Variants in GLI3 observed in about 807,000 individuals in gnomAD.
The protein encoded by GLI3 is transcription activator GLI3.
Under a neutral mutation model 100.8 loss-of-function variants are expected in GLI3, and 20 were observed. The observed-to-expected ratio is 0.20, with a 90% CI of 0.14 to 0.29. The LOEUF is 0.29. Among genes scored for constraint, GLI3 ranks in the 10% least tolerant of loss-of-function variants. The probability of loss-of-function intolerance (pLI) is 1.00; values close to 1 mark genes in which losing one functional copy is unlikely to be tolerated. For synonymous variants in GLI3, 938 were observed against 860.5 expected, an observed-to-expected ratio of 1.09 and a Z score of -1.58; for missense variants, 2,040 against 2,128.5, an observed-to-expected ratio of 0.96 and a Z score of 0.82.
chr7:42,081,237 A>G (rs1323415665), intron 3 of GLI3, among the ~76,000 whole-genome samples: 3 of 152,332 alleles, frequency 2.0e-5, no homozygotes, highest in African/African-American at 7.2e-5. Context: ...TGAGGGAATT[A>G]AAATTCTACC....
At chr7:42,056,237 G>A (rs2282920) in intron 4 of GLI3, among the ~76,000 whole-genome samples, 90,209 of 152,068 alleles carry the variant, frequency 0.59, 27,784 homozygotes, top group African/African-American at 0.77. Flanking sequence ...CTAAGAATCC[G>A]CTATGATTTC....
intron 3 of GLI3, among the ~76,000 whole-genome samples, chr7:42,079,310 C>A (rs1284739102): frequency 1.3e-5 from 2 of 152,150 alleles, no homozygotes; most frequent in African/African-American, 2.4e-5. Flanking sequence ...AAATTATGCA[C>A]CCTTCTTAAA....
chr7:42,075,697 T>C (rs1481901352), intron 4 of GLI3, among the ~76,000 whole-genome samples: 1 of 152,192 alleles, frequency 6.6e-6, no homozygotes, highest in Non-Finnish European at 1.5e-5. Flanking sequence ...ATTACTTACC[T>C]CCAGGCAAAT....
intron 1 of GLI3, among the ~76,000 whole-genome samples, chr7:42,259,405 G>A (rs1789117268): frequency 6.6e-6 from 1 of 152,160 alleles, no homozygotes; most frequent in Admixed American, 6.5e-5. Context: ...AAGTGCTTAA[G>A]AATGTAGCTG....
At chr7:41,998,419 C>G (rs1201167725) in intron 10 of GLI3, among the ~76,000 whole-genome samples, 1 of 152,208 alleles carries the variant, frequency 6.6e-6, no homozygotes, top group African/African-American at 2.4e-5. Context: ...TGCTTCCCAC[C>G]ATGGCAGGAC....
intron 7 of GLI3, among the ~76,000 whole-genome samples, chr7:42,035,864 T>C (rs1264545103): frequency 2.0e-5 from 3 of 152,216 alleles, no homozygotes; most frequent in Non-Finnish European, 1.5e-5. Flanking sequence ...ATAAATTATC[T>C]AGTCTTAGAT....
chr7:41,992,832 G>T (rs1788025134), intron 10 of GLI3, among the ~76,000 whole-genome samples: 1 of 152,152 alleles, frequency 6.6e-6, no homozygotes, highest in South Asian at 2.1e-4. Flanking sequence ...AGTAAGTTTG[G>T]GGGGATCAGA....
chr7:42,172,665 G>A (rs1380642577), intron 2 of GLI3: 1 of 701,668 alleles, frequency 1.4e-6, no homozygotes, highest in Admixed American at 2.0e-5. Flanking sequence ...CCAGCCTCTG[G>A]CCTGGGCCTC....
rs1168938491 is a variant in GLI3 at position 42,026,565 on chromosome 7, T to A, written c.1029-153A>T. ...GATTATTGCCAAGCATCTTGAAAAC[T>A]TCTAAGAGAAAGATGAACACTGAGA... On this transcript the variant is annotated intron_variant, in intron 7 of 14. Transcript: ENST00000395925. 3.3e-5 allele frequency among the ~76,000 whole-genome samples: 5 copies of A among 152,202 alleles called. No homozygotes were observed. The East Asian group carries it at 9.6e-4, about 29-fold the overall frequency.
intron 2 of GLI3, among the ~76,000 whole-genome samples, chr7:42,218,955 C>T (rs933895616): frequency 6.6e-6 from 1 of 151,838 alleles, no homozygotes; most frequent in Admixed American, 6.6e-5. Flanking sequence ...TCAGTATTTG[C>T]AAATTGTTGA....
intron 6 of GLI3, among the ~76,000 whole-genome samples, chr7:42,040,497 G>A (rs1319120097): frequency 1.3e-5 from 2 of 152,174 alleles, no homozygotes; most frequent in South Asian, 2.1e-4. Context: ...ACAAAAGGGA[G>A]AGATTTTTAT....
intron 2 of GLI3, among the ~76,000 whole-genome samples, chr7:42,188,502 A>G (rs1334585122): frequency 6.6e-6 from 1 of 152,220 alleles, no homozygotes; most frequent in Non-Finnish European, 1.5e-5. Flanking sequence ...TACAAGGATA[A>G]CCACCACCTG....
At chr7:42,243,595 T>C (rs1788944782) in intron 1 of GLI3, among the ~76,000 whole-genome samples, 3 of 152,200 alleles carry the variant, frequency 2.0e-5, no homozygotes, top group South Asian at 4.1e-4. Flanking sequence ...CACAGAGTCA[T>C]TGTGATTTAA....
At chr7:41,992,289 G>A (rs1252051525) in intron 10 of GLI3, among the ~76,000 whole-genome samples, 1 of 152,212 alleles carries the variant, frequency 6.6e-6, no homozygotes, top group East Asian at 1.9e-4. Context: ...AGGAGTAACA[G>A]GTGATACCGA....
At chr7:42,093,985 G>A (rs534921602) in intron 3 of GLI3, among the ~76,000 whole-genome samples, 2 of 151,956 alleles carry the variant, frequency 1.3e-5, no homozygotes, top group Non-Finnish European at 2.9e-5. Flanking sequence ...CTTTCATTCT[G>A]CATTATCCTA....
At position 42,045,629 on chromosome 7, in the gene GLI3, A is replaced by T; in HGVS notation, c.680-99T>A. On this transcript the variant is annotated intron_variant, in intron 5 of 14. Transcript: ENST00000395925. ...AGTCCATTACACAACCCACATCAGC[A>T]ATTCCTTTTATGGCTTATTAGAGTA... 2.9e-6 allele frequency: 3 copies of T among 1,034,278 alleles called. No individual in the cohort carries two copies. In the East Asian group the frequency reaches 7.5e-5, roughly 26 times the overall value. 64.1% of individuals were successfully genotyped at this position (1,034,278 alleles called of 1,614,324 possible). A position where few individuals can be genotyped will look rare whatever the true frequency, so the allele number is the denominator to read the frequency against.
At chr7:41,984,820 A>T (rs1254285088) in intron 10 of GLI3, among the ~76,000 whole-genome samples, 1 of 152,244 alleles carries the variant, frequency 6.6e-6, no homozygotes, top group Non-Finnish European at 1.5e-5. Flanking sequence ...CTGCTTTATC[A>T]ATTTAAAAGA....
chr7:41,981,119 C>A (rs77250250), intron 10 of GLI3, among the ~76,000 whole-genome samples: 19 of 152,208 alleles, frequency 1.2e-4, no homozygotes, highest in African/African-American at 3.9e-4. Flanking sequence ...TACAGCGGAC[C>A]GATGACACAG....
chr7:42,020,889 C>CAAAAAAAAAAAA (rs371389453), intron 10 of GLI3, among the ~76,000 whole-genome samples: 3 of 113,122 alleles, frequency 2.7e-5, no homozygotes, highest in African/African-American at 1.0e-4. Flanking sequence ...GACTCCGTCT[C>CAAAAAAAAAAAA]AAAAAAAAAA....
Sources: gnomAD v4.1 joint callset for allele counts (sites outside exome capture counted in the v4.1 genomes callset) on GRCh38, gnomAD v4.1.1 for gene constraint, MANE v1.5 for transcripts, NCBI Gene and HGNC (gene_info 2026-07-23, HGNC 2026-07-21) for gene names.